The following AKAP13 variants were observed in gnomAD, a reference collection of about 807,000 sequenced individuals.
The protein encoded by AKAP13 is A-kinase anchor protein 13.
A neutral mutation model predicts 264.5 loss-of-function variants in AKAP13; 80 were observed. The ratio of observed to expected loss-of-function variants is 0.30; its 90% CI spans 0.25 to 0.36. The LOEUF is 0.36. AKAP13 is among the 10% of genes least tolerant of loss of function. AKAP13 has a pLI of 1.00. For synonymous variants in AKAP13, 1,380 were observed against 1,250.2 expected, an observed-to-expected ratio of 1.10 and a Z score of -2.19; for missense variants, 3,712 against 3,435.2, an observed-to-expected ratio of 1.08 and a Z score of -2.01.
At chr15:85,662,067 A>G (rs935405730) in intron 12 of AKAP13, among the ~76,000 whole-genome samples, 2 of 152,220 alleles carry the variant, frequency 1.3e-5, no homozygotes, top group East Asian at 1.9e-4. Context: ...AATACCTCTC[A>G]TGTCTGAAGA....
chr15:85,632,038 T>C (rs2081857220), intron 8 of AKAP13, among the ~76,000 whole-genome samples: 2 of 152,162 alleles, frequency 1.3e-5, no homozygotes, highest in Non-Finnish European at 2.9e-5. Flanking sequence ...GCTGCCACTG[T>C]GTGTAAAATT....
intron 17 of AKAP13, among the ~76,000 whole-genome samples, chr15:85,705,330 T>C (rs888419791): frequency 2.0e-5 from 3 of 152,218 alleles, no homozygotes; most frequent in African/African-American, 7.2e-5. Flanking sequence ...TGGAAACAAA[T>C]TCTGCCCATA....
intron 10 of AKAP13, among the ~76,000 whole-genome samples, chr15:85,648,403 T>G (rs2082656314): frequency 6.6e-6 from 1 of 152,218 alleles, no homozygotes; most frequent in African/African-American, 2.4e-5. Context: ...TCTGGTCACT[T>G]AATTGAATGG....
At position 85,696,867 on chromosome 15, in the gene AKAP13, G is replaced by A. The variant is rs138877689; in HGVS notation, c.5464+3416G>A. Among the ~76,000 whole-genome samples the A allele has an allele frequency of 6.2e-3, 948 of 152,268 alleles. 10 individuals carry two copies. The highest frequency in any genetic ancestry group is 0.021 in the African/African-American group (891 of 41,542). On this transcript the variant is annotated intron_variant, in intron 17 of 36. Transcript: ENST00000394518. ...GGACTGAGACCCCTGTATAAGAAAT[G>A]CTGTTTTAAGACTAACATCCATGAT...
intron 1 of AKAP13, among the ~76,000 whole-genome samples, chr15:85,426,961 T>TG (rs1311537151): frequency 1.1e-4 from 17 of 148,576 alleles, no homozygotes; most frequent in African/African-American, 4.2e-4. Flanking sequence ...TTTTGTTTTT[T>TG]TTTTTTTTTT....
intron 33 of AKAP13, among the ~76,000 whole-genome samples, chr15:85,738,272 A>G (rs2088687917): frequency 1.3e-5 from 2 of 151,630 alleles, no homozygotes; most frequent in Admixed American, 6.6e-5. Flanking sequence ...GACGCCTGTA[A>G]TCCCAGCTAC....
rs368715986 is a variant in AKAP13 at position 85,645,961 on chromosome 15, T to C, written c.4374+7T>C. ...CAGCATCATCTTCCCAAAGGTACTGTGTGGACCTTCCTTTCATTTTTGTCA... is the reference window on the plus strand; with the variant it reads ...CAGCATCATCTTCCCAAAGGTACTGCGTGGACCTTCCTTTCATTTTTGTCA... On this transcript the variant is annotated splice_region_variant and intron_variant, in intron 10 of 36. Coordinates refer to ENST00000394518, the MANE Select transcript of AKAP13 (RefSeq NM_007200.5). 5 of 1,603,586 alleles carry C rather than the reference T, an allele frequency of 3.1e-6. No individual in the cohort carries two copies. The South Asian group carries it at 5.7e-5, about 18-fold the overall frequency.
At chr15:85,458,380 T>G (rs1055936018) in intron 1 of AKAP13, among the ~76,000 whole-genome samples, 13 of 120,734 alleles carry the variant, frequency 1.1e-4, no homozygotes, top group African/African-American at 5.8e-4. Flanking sequence ...TTTTTTTGTA[T>G]TTTTTGTTTT....
intron 1 of AKAP13, among the ~76,000 whole-genome samples, chr15:85,465,387 C>T (rs2074692599): frequency 6.6e-6 from 1 of 151,644 alleles, no homozygotes; most frequent in East Asian, 1.9e-4. Flanking sequence ...TTTTAGGGTA[C>T]ATGTGCACAA....
At chr15:85,670,419 T>C (rs2083861940) in intron 14 of AKAP13, among the ~76,000 whole-genome samples, 1 of 151,630 alleles carries the variant, frequency 6.6e-6, no homozygotes, top group Admixed American at 6.6e-5. Flanking sequence ...AGCATTAGTA[T>C]ATAAGAGTAC....
chr15:85,489,912 T>C (rs1348938258), intron 2 of AKAP13, among the ~76,000 whole-genome samples: 1 of 152,258 alleles, frequency 6.6e-6, no homozygotes, highest in Admixed American at 6.5e-5. Flanking sequence ...GCCTGAAACT[T>C]TGGAGACCAG....
intron 1 of AKAP13, among the ~76,000 whole-genome samples, chr15:85,436,626 C>T (rs1763875986): frequency 7.0e-6 from 1 of 143,496 alleles, no homozygotes; most frequent in African/African-American, 2.6e-5. Flanking sequence ...TCTCTCAGAC[C>T]ACAGTGCAAT....
At position 85,585,791 on chromosome 15, in the gene AKAP13, C is replaced by T. The variant is rs1243740488; in HGVS notation, c.4129C>T (p.Leu1377=). The T allele has an allele frequency of 1.9e-6, 3 of 1,613,968 alleles. No individual in the cohort carries two copies. Among genetic ancestry groups the T allele is most frequent in the Non-Finnish European group, 1.7e-6 (2 of 1,179,978 alleles). Residue 1377 remains leucine (L), a synonymous_variant, in exon 8 of 37, where the codon CTG becomes TTG. Coordinates refer to ENST00000394518, the MANE Select transcript of AKAP13 (RefSeq NM_007200.5). ...EVAVGSIAAT[L]KMKQGPMTQA... Reference sequence around the variant, plus strand: ...GGCTGTAGGGAGCATAGCTGCTACACTGAAGATGAAGCAAGGCCCAATGAC... The same window carrying T: ...GGCTGTAGGGAGCATAGCTGCTACATTGAAGATGAAGCAAGGCCCAATGAC...
At chr15:85,532,129 T>G (rs1311556779) in intron 3 of AKAP13, among the ~76,000 whole-genome samples, 20 of 152,224 alleles carry the variant, frequency 1.3e-4, no homozygotes, top group Non-Finnish European at 1.5e-5. Flanking sequence ...GAGATGACTG[T>G]CAGATGCCTG....
chr15:85,553,946 C>A (rs1290202738), intron 5 of AKAP13, among the ~76,000 whole-genome samples: 1 of 152,190 alleles, frequency 6.6e-6, no homozygotes, highest in Non-Finnish European at 1.5e-5. Flanking sequence ...CAGAACCATT[C>A]CATACCCCGC....
rs554349694 is a variant in AKAP13 at position 85,383,586 on chromosome 15, T to A, written c.-12+2788T>A. ...AAGAAGGGGCCTTGAGACTTGTGAG[T>A]CTTATCGAAGTCTATTTCTTCAAAG... On this transcript the variant is annotated intron_variant, in intron 1 of 36. Transcript: ENST00000394518. 3.3e-5 allele frequency among the ~76,000 whole-genome samples: 5 copies of A among 152,314 alleles called. No individual in the cohort carries two copies. The East Asian group carries it at 9.6e-4, about 29-fold the overall frequency.
intron 10 of AKAP13, among the ~76,000 whole-genome samples, chr15:85,647,684 G>A (rs1052381856): frequency 3.3e-5 from 5 of 152,154 alleles, no homozygotes; most frequent in African/African-American, 9.7e-5. Flanking sequence ...AATGGCTCAC[G>A]CCTGTAATCC....
chr15:85,416,530 C>T (rs901944157), intron 1 of AKAP13, among the ~76,000 whole-genome samples: 3 of 152,144 alleles, frequency 2.0e-5, no homozygotes, highest in Admixed American at 6.5e-5. Context: ...ATTTTTGGGA[C>T]TCCAGTGGTC....
At position 85,458,404 on chromosome 15, in the gene AKAP13, T is replaced by G. The variant is rs182437797; in HGVS notation, c.-11-27306T>G. Among the ~76,000 whole-genome samples the G allele has an allele frequency of 5.2e-4, 77 of 149,254 alleles. 1 individual carries two copies. The East Asian group carries it at 0.014, about 26-fold the overall frequency. On this transcript the variant is annotated intron_variant, in intron 1 of 36. Coordinates refer to ENST00000394518, the MANE Select transcript of AKAP13 (RefSeq NM_007200.5). ...ATTTTTTGTTTTTTGTTTTTTTTTT[T>G]TTTTACTATATATGTATGGAGTGCA...
Sources: allele counts gnomAD v4.1 joint callset (sites outside exome capture counted in the v4.1 genomes callset), GRCh38; gene constraint gnomAD v4.1.1; transcripts MANE v1.5; gene names NCBI Gene and HGNC (gene_info 2026-07-23, HGNC 2026-07-21).